Variants in CHP1 observed in about 807,000 individuals in gnomAD.
CHP1 encodes the protein calcineurin B homologous protein 1.
CHP1 carries 11 observed loss-of-function variants against 27.4 expected under a neutral mutation model. The ratio of observed to expected loss-of-function variants is 0.40; its 90% CI spans 0.25 to 0.67. The LOEUF (loss-of-function observed/expected upper bound fraction) is 0.67, where lower values mean the gene tolerates loss of function less well. Among genes scored for constraint, CHP1 ranks in the 30% least tolerant of loss-of-function variants. CHP1 has a pLI of 0.38. For synonymous variants in CHP1, 89 were observed against 87.4 expected, an observed-to-expected ratio of 1.02 and a Z score of -0.10; for missense variants, 169 against 251.3, an observed-to-expected ratio of 0.67 and a Z score of 2.22.
At chr15:41,274,106 A>G (rs912391761) in intron 5 of CHP1, among the ~76,000 whole-genome samples, 2 of 151,670 alleles carry the variant, frequency 1.3e-5, no homozygotes, top group Non-Finnish European at 2.9e-5. Context: ...GACTATAGGC[A>G]CCTGCCACCA....
chr15:41,233,159 G>A (rs41442144), intron 1 of CHP1, among the ~76,000 whole-genome samples: 45,564 of 152,016 alleles, frequency 0.3, 9,806 homozygotes, highest in African/African-American at 0.61. Flanking sequence ...ATTTTATTAC[G>A]TTTTGTGGCC....
rs1595485142 is a variant in CHP1 at position 41,280,871 on chromosome 15, T to G, written c.*1482T>G. The G allele has an allele frequency of 6.6e-6, 1 of 151,566 alleles. No individual in the cohort carries two copies. Among genetic ancestry groups the G allele is most frequent in the African/African-American group, 2.4e-5 (1 of 41,186 alleles). 9.4% of individuals were successfully genotyped at this position (151,566 alleles called of 1,614,324 possible). On this transcript the variant is annotated 3_prime_UTR_variant, in exon 7 of 7. Coordinates refer to ENST00000334660, the MANE Select transcript of CHP1 (RefSeq NM_007236.5). ...TCTTGAAGTTTTGCACAAAATTCTT[T>G]TTTTTGAGATGGAGTCTCACTCTGT...
chr15:41,264,226 A>G, intron 4 of CHP1: 1 of 1,286,174 alleles, frequency 7.8e-7, no homozygotes, highest in Non-Finnish European at 1.0e-6. Flanking sequence ...ACTCCTCCCA[A>G]GCATGGAATG....
In CHP1 at chr15:41,281,565, A is replaced by G. The variant is rs2047546238; in HGVS notation, c.*2176A>G. On this transcript the variant is annotated 3_prime_UTR_variant, in exon 7 of 7. Coordinates refer to ENST00000334660, the MANE Select transcript of CHP1 (RefSeq NM_007236.5). The stretch of plus-strand genomic sequence containing the variant: ...AGATTGCTAAAAAATACCACTGCAA[A>G]GTGATGGAAAAGGGTGGAGAACAGG... 1 of 152,646 alleles carries G rather than the reference A, an allele frequency of 6.6e-6. No individual in the cohort carries two copies. 9.5% of individuals were successfully genotyped at this position (152,646 alleles called of 1,614,324 possible).
At chr15:41,277,527 C>T (rs1191756050) in intron 5 of CHP1, among the ~76,000 whole-genome samples, 3 of 151,900 alleles carry the variant, frequency 2.0e-5, no homozygotes, top group African/African-American at 7.3e-5. Flanking sequence ...CAGTGGCTCA[C>T]ACTTGTAATC....
rs1274573882 is a variant in CHP1, at chr15:41,279,975, A to C, written c.*586A>C. On this transcript the variant is annotated 3_prime_UTR_variant, in exon 7 of 7. Coordinates refer to ENST00000334660, the MANE Select transcript of CHP1 (RefSeq NM_007236.5). ...ATAGTTCAGGGGTCTGGCAGTTTTT[A>C]TTTACCTTCATTATTAAATGGGCCT... 1 of 152,300 alleles carries C rather than the reference A, an allele frequency of 6.6e-6. No individual in the cohort carries two copies. Among genetic ancestry groups the C allele is most frequent in the Non-Finnish European group, 1.5e-5 (1 of 68,176 alleles). 9.4% of individuals were successfully genotyped at this position (152,300 alleles called of 1,614,324 possible).
intron 4 of CHP1, among the ~76,000 whole-genome samples, chr15:41,268,899 G>A (rs1422994839): frequency 6.7e-6 from 1 of 149,114 alleles, no homozygotes; most frequent in African/African-American, 2.5e-5. Flanking sequence ...GGCGGAGCTT[G>A]CCGTGAGCTG....
intron 4 of CHP1, among the ~76,000 whole-genome samples, chr15:41,269,524 C>T (rs1403867403): frequency 1.3e-5 from 2 of 152,144 alleles, no homozygotes; most frequent in Admixed American, 1.3e-4. Flanking sequence ...AATGTTACCT[C>T]TCCTTGATAT....
intron 2 of CHP1, among the ~76,000 whole-genome samples, chr15:41,249,249 G>A (rs552812186): frequency 3.3e-5 from 5 of 152,124 alleles, no homozygotes; most frequent in South Asian, 2.1e-4. Flanking sequence ...GCACCATCAC[G>A]GCTCACTGTA....
chr15:41,264,136 C>T, intron 4 of CHP1: 1 of 1,093,242 alleles, frequency 9.1e-7, no homozygotes, highest in Non-Finnish European at 1.2e-6. Context: ...GTTAACAGGG[C>T]TTTTTTTTTT....
At chr15:41,271,015 G>A (rs946174885) in intron 5 of CHP1, among the ~76,000 whole-genome samples, 4 of 152,222 alleles carry the variant, frequency 2.6e-5, no homozygotes, top group African/African-American at 7.2e-5. Context: ...CAGCACTTTG[G>A]AAGGCCGAGG....
At chr15:41,274,540 T>G (rs1258489367) in intron 5 of CHP1, among the ~76,000 whole-genome samples, 1 of 152,160 alleles carries the variant, frequency 6.6e-6, no homozygotes, top group Non-Finnish European at 1.5e-5. Flanking sequence ...TAGCTGGGAC[T>G]ACATGCATGT....
In CHP1 at chr15:41,240,461, G is replaced by T. The variant is rs2047300515; in HGVS notation, c.68-3206G>T. 2.0e-5 allele frequency among the ~76,000 whole-genome samples: 3 copies of T among 152,100 alleles called. 1 individual carries two copies. In the South Asian group the frequency reaches 6.2e-4, roughly 32 times the overall value. On this transcript the variant is annotated intron_variant, in intron 1 of 6. Coordinates refer to ENST00000334660, the MANE Select transcript of CHP1 (RefSeq NM_007236.5). ...AGTACACGAGTAACTGATATTAGAT[G>T]ATATATGAAGAGCTGGGCGCGGTGG...
At chr15:41,249,621 C>T (rs1361498798) in intron 2 of CHP1, among the ~76,000 whole-genome samples, 2 of 151,670 alleles carry the variant, frequency 1.3e-5, no homozygotes, top group South Asian at 2.1e-4. Flanking sequence ...TACAGGTGCC[C>T]GCCACCACAC....
chr15:41,262,724 A>C (rs748343075), intron 3 of CHP1, 32 bp from the exon 4 acceptor site: 3 of 1,608,886 alleles, frequency 1.9e-6, no homozygotes, highest in Admixed American at 1.7e-5. Context: ...CGTGATTGAC[A>C]TGGTGTTGTG....
chr15:41,262,572 C>T (rs2047438869), intron 3 of CHP1, among the ~76,000 whole-genome samples, 184 bp from the exon 4 acceptor site: 2 of 152,320 alleles, frequency 1.3e-5, no homozygotes, highest in South Asian at 4.1e-4. Context: ...ACCTGCCTTA[C>T]AAGGTTGGGG....
intron 1 of CHP1, 57 bp downstream of exon 1, chr15:41,231,506 G>A: frequency 6.5e-7 from 1 of 1,533,004 alleles, no homozygotes; most frequent in Non-Finnish European, 8.9e-7. Context: ...TCACAACCAA[G>A]GGCGGCTGTC....
chr15:41,246,932 T>C (rs1168194236), intron 2 of CHP1, among the ~76,000 whole-genome samples: 1 of 146,946 alleles, frequency 6.8e-6, no homozygotes, highest in African/African-American at 2.5e-5. Context: ...ACACCTGTAA[T>C]CCCAGCACTT....
At chr15:41,265,430 CCAGGCATGATGGCTCA>C (rs2047455319) in intron 4 of CHP1, among the ~76,000 whole-genome samples, 1 of 145,210 alleles carries the variant, frequency 6.9e-6, no homozygotes, top group Non-Finnish European at 1.5e-5. Context: ...GGTTTACAGG[CCAGGCATGATGGCTCA>C]CGCCTGTAAT....
Sources: allele counts gnomAD v4.1 joint callset (sites outside exome capture counted in the v4.1 genomes callset), GRCh38; gene constraint gnomAD v4.1.1; transcripts MANE v1.5; gene names NCBI Gene and HGNC (gene_info 2026-07-23, HGNC 2026-07-21).